The following PCDH9 variants were observed in gnomAD, a reference collection of about 807,000 sequenced individuals.
PCDH9 encodes the protein protocadherin 9, also known as protocadherin-9.
In PCDH9, 24 loss-of-function variants were observed where a neutral mutation model predicts 70.6. The ratio of observed to expected loss-of-function variants is 0.34; its 90% CI spans 0.25 to 0.48. The LOEUF (loss-of-function observed/expected upper bound fraction) is 0.48, where lower values mean the gene tolerates loss of function less well. PCDH9 is among the 20% of genes least tolerant of loss of function. PCDH9 has a pLI of 0.99. For missense variants in PCDH9, 1,281 were observed against 1,503.6 expected (o/e 0.85, Z 2.45); for synonymous variants, 562 against 558.5 (o/e 1.01, Z -0.09).
At chr13:66,748,545 A>G (rs1354718823) in intron 3 of PCDH9, among the ~76,000 whole-genome samples, 2 of 152,178 alleles carry the variant, frequency 1.3e-5, no homozygotes, top group Non-Finnish European at 2.9e-5. Context: ...TATACTTTAA[A>G]TAATTTTAGC....
chr13:67,042,424 T>C (rs1413968620), intron 2 of PCDH9, among the ~76,000 whole-genome samples: 2 of 152,010 alleles, frequency 1.3e-5, no homozygotes, highest in Admixed American at 1.3e-4. Context: ...AAGAGCCCCT[T>C]ATAAAACCAT....
intron 3 of PCDH9, among the ~76,000 whole-genome samples, chr13:66,881,302 C>T (rs949502515): frequency 1.4e-4 from 21 of 152,326 alleles, no homozygotes; most frequent in African/African-American, 4.6e-4. Context: ...CTCACAGTTT[C>T]ATGTGGCTGG....
At chr13:67,104,617 C>T (rs1053984901) in intron 2 of PCDH9, among the ~76,000 whole-genome samples, 4 of 151,842 alleles carry the variant, frequency 2.6e-5, no homozygotes, top group African/African-American at 9.7e-5. Context: ...GGTGCAATCT[C>T]GGCTCACTGC....
chr13:66,901,259 C>T lies in PCDH9; in HGVS notation c.3138+2245G>A, dbSNP rs539888298. 3.3e-4 allele frequency among the ~76,000 whole-genome samples: 50 copies of T among 151,734 alleles called. No individual in the cohort carries two copies. The East Asian group carries it at 7.0e-3, about 21-fold the overall frequency. ...TATGATCAAAAACAGTTTAGACTAACCAAGGACAAAATGTGAATGATGGGA... is the reference window on the plus strand; with the variant it reads ...TATGATCAAAAACAGTTTAGACTAATCAAGGACAAAATGTGAATGATGGGA... On this transcript the variant is annotated intron_variant, in intron 3 of 4. Transcript: ENST00000377865.
intron 3 of PCDH9, among the ~76,000 whole-genome samples, chr13:66,888,402 T>C (rs1361789841): frequency 6.6e-6 from 1 of 151,640 alleles, no homozygotes; most frequent in Non-Finnish European, 1.5e-5. Context: ...CTCGGGAGGC[T>C]GAGGTGGGAG....
intron 3 of PCDH9, among the ~76,000 whole-genome samples, chr13:66,642,762 G>T (rs9540847): frequency 3.4e-4 from 52 of 151,802 alleles, no homozygotes; most frequent in Non-Finnish European, 6.5e-4. Context: ...TTATATTTGA[G>T]GAATTCCAAT....
In PCDH9 at chr13:67,200,669, C is replaced by T. The variant is rs576783236; in HGVS notation, c.3036+24736G>A. Among the ~76,000 whole-genome samples, 252 of 152,222 alleles carry T rather than the reference C, an allele frequency of 1.7e-3. 3 individuals carry two copies. In the Middle Eastern group the frequency reaches 0.017, roughly 10 times the overall value. ...AACAGACCTGCATATATTTTCTCCA[C>T]GTCACCTCCTTGTAACTGCTTCTCT... On this transcript the variant is annotated intron_variant, in intron 2 of 4. Coordinates refer to ENST00000377865, the MANE Select transcript of PCDH9 (RefSeq NM_203487.3).
intron 2 of PCDH9, among the ~76,000 whole-genome samples, chr13:67,163,920 G>A (rs537903581): frequency 2.6e-5 from 4 of 152,144 alleles, no homozygotes; most frequent in Non-Finnish European, 5.9e-5. Flanking sequence ...GAATTTTAAA[G>A]TAAAAGATAA....
chr13:66,535,312 A>G (rs1395404433), intron 4 of PCDH9, among the ~76,000 whole-genome samples: 2 of 152,104 alleles, frequency 1.3e-5, no homozygotes, highest in Non-Finnish European at 2.9e-5. Context: ...ATACAGGAAT[A>G]AAATGTTCTC....
chr13:66,855,357 C>A (rs1385935628), intron 3 of PCDH9, among the ~76,000 whole-genome samples: 2 of 152,010 alleles, frequency 1.3e-5, no homozygotes, highest in African/African-American at 4.8e-5. Flanking sequence ...TAATGGATTA[C>A]GGATTGCTGT....
At chr13:66,919,708 C>T (rs1161831503) in intron 2 of PCDH9, among the ~76,000 whole-genome samples, 1 of 150,960 alleles carries the variant, frequency 6.6e-6, no homozygotes, top group Non-Finnish European at 1.5e-5. Context: ...AAACCATGAG[C>T]AAGTGATAAA....
intron 2 of PCDH9, among the ~76,000 whole-genome samples, chr13:67,165,267 T>G (rs2088079365): frequency 6.6e-6 from 1 of 152,180 alleles, no homozygotes; most frequent in Non-Finnish European, 1.5e-5. Flanking sequence ...TAAAAATACA[T>G]GATTACTTGT....
At chr13:66,799,613 T>G (rs1379213784) in intron 3 of PCDH9, among the ~76,000 whole-genome samples, 2 of 152,214 alleles carry the variant, frequency 1.3e-5, no homozygotes, top group Non-Finnish European at 2.9e-5. Flanking sequence ...AATGTCTATA[T>G]ATTGTCTGTT....
intron 3 of PCDH9, among the ~76,000 whole-genome samples, chr13:66,824,691 T>C (rs2080783089): frequency 1.1e-5 from 1 of 94,632 alleles, no homozygotes; most frequent in African/African-American, 3.6e-5. Flanking sequence ...TATATATATA[T>C]ATATATGCAC....
chr13:66,350,166 T>C (rs778615082), intron 4 of PCDH9, among the ~76,000 whole-genome samples: 29 of 152,116 alleles, frequency 1.9e-4, no homozygotes, highest in Non-Finnish European at 3.5e-4. Context: ...AATAAGTAAC[T>C]TAAGATCTCA....
chr13:66,585,955 T>G (rs1188277238), intron 4 of PCDH9, among the ~76,000 whole-genome samples: 1 of 152,186 alleles, frequency 6.6e-6, no homozygotes, highest in Non-Finnish European at 1.5e-5. Context: ...GTGATTTATC[T>G]TGGGTCAAGA....
intron 4 of PCDH9, among the ~76,000 whole-genome samples, chr13:66,578,421 C>A (rs985722273): frequency 5.9e-5 from 9 of 151,872 alleles, no homozygotes; most frequent in African/African-American, 1.7e-4. Context: ...AGCTACCCAC[C>A]CCACAGGATG....
rs1477479940 is a variant in PCDH9, at chr13:67,071,372, G to C, written c.3036+154033C>G. On this transcript the variant is annotated intron_variant, in intron 2 of 4. Coordinates refer to ENST00000377865, the MANE Select transcript of PCDH9 (RefSeq NM_203487.3). ...AATATAATTTTGGACTCTGAAATTG[G>C]CAAAATTTAAAAATTTGTAAACTGA... Among the ~76,000 whole-genome samples the C allele has an allele frequency of 3.3e-5, 5 of 152,030 alleles. No individual in the cohort carries two copies. In the East Asian group the frequency reaches 5.8e-4, roughly 18 times the overall value.
intron 4 of PCDH9, among the ~76,000 whole-genome samples, chr13:66,568,363 G>A (rs1450488014): frequency 2.0e-5 from 3 of 151,810 alleles, no homozygotes; most frequent in South Asian, 4.2e-4. Flanking sequence ...GTTTTTTACA[G>A]CAGACTAAGA....
Sources: allele counts gnomAD v4.1 joint callset (sites outside exome capture counted in the v4.1 genomes callset), GRCh38; gene constraint gnomAD v4.1.1; transcripts MANE v1.5; gene names NCBI Gene and HGNC (gene_info 2026-07-23, HGNC 2026-07-21).